Variants in CSMD1 observed in about 807,000 individuals in gnomAD.
The protein encoded by CSMD1 is CUB and sushi domain-containing protein 1.
A neutral mutation model predicts 417.5 loss-of-function variants in CSMD1; 213 were observed. That is an observed-to-expected ratio of 0.51 (90% CI 0.46 to 0.57). CSMD1 has a LOEUF of 0.57. CSMD1 is among the 20% of genes least tolerant of loss of function. CSMD1 has a pLI of 0.00. For missense variants in CSMD1, 6,923 were observed against 4,529.7 expected (o/e 1.53, Z -15.17); for synonymous variants, 2,862 against 1,736.8 (o/e 1.65, Z -16.11).
At chr8:4,164,517 C>G (rs1033719133) in intron 3 of CSMD1, among the ~76,000 whole-genome samples, 57 of 152,198 alleles carry the variant, frequency 3.7e-4, no homozygotes, top group Non-Finnish European at 7.1e-4. Context: ...CCAATGTCCC[C>G]AGGCGTAAAT....
At chr8:4,631,542 T>A (rs1802516290) in intron 2 of CSMD1, among the ~76,000 whole-genome samples, 1 of 152,162 alleles carries the variant, frequency 6.6e-6, no homozygotes, top group Non-Finnish European at 1.5e-5. Context: ...ACCCTTTCTT[T>A]AGCCCTCATA....
chr8:3,786,399 C>A (rs28490480), intron 5 of CSMD1, among the ~76,000 whole-genome samples: 1 of 151,816 alleles, frequency 6.6e-6, no homozygotes, highest in East Asian at 1.9e-4. Context: ...AGAAGAGGAT[C>A]GAACAAGAGT....
chr8:3,174,523 T>C (rs547246052), intron 37 of CSMD1, among the ~76,000 whole-genome samples: 136 of 152,240 alleles, frequency 8.9e-4, no homozygotes, highest in Non-Finnish European at 8.7e-4. Context: ...ACTATAAAAA[T>C]TGAGACATAA....
At chr8:4,309,770 A>C (rs150099383) in intron 3 of CSMD1, among the ~76,000 whole-genome samples, 151 of 152,316 alleles carry the variant, frequency 9.9e-4, no homozygotes, top group African/African-American at 3.5e-3. Context: ...GTTTTACTAG[A>C]TCAATGAAGC....
chr8:3,069,574 G>A (rs1479577747), intron 49 of CSMD1, among the ~76,000 whole-genome samples: 5 of 152,330 alleles, frequency 3.3e-5, no homozygotes, highest in African/African-American at 1.2e-4. Flanking sequence ...ACCACTACAA[G>A]GGGTGGTTTC....
chr8:4,496,873 C>T lies in CSMD1; in HGVS notation c.303-76808G>A, dbSNP rs539437168. Among the ~76,000 whole-genome samples, 5 of 152,264 alleles carry T rather than the reference C, an allele frequency of 3.3e-5. No individual in the cohort carries two copies. The South Asian group carries it at 1.0e-3, about 32-fold the overall frequency. On this transcript the variant is annotated intron_variant, in intron 2 of 69. Coordinates refer to ENST00000635120, the MANE Select transcript of CSMD1 (RefSeq NM_033225.6). ...GAAGGTTTACAATATCAGGACAGAT[C>T]TTTCCCAGGCTTTCCAGACCATTTA... is the stretch of plus-strand genomic sequence containing the variant.
intron 3 of CSMD1, among the ~76,000 whole-genome samples, chr8:4,176,667 G>A (rs905640934): frequency 6.6e-6 from 1 of 151,592 alleles, no homozygotes; most frequent in Non-Finnish European, 1.5e-5. Flanking sequence ...CCATCAGTGT[G>A]CTGTATTCAG....
chr8:3,013,036 C>A (rs552833505), intron 52 of CSMD1, among the ~76,000 whole-genome samples: 2 of 152,174 alleles, frequency 1.3e-5, no homozygotes, highest in Non-Finnish European at 2.9e-5. Flanking sequence ...TTACCTTCCA[C>A]CATGATTGTG....
chr8:3,069,437 A>C (rs1214608598), intron 49 of CSMD1, among the ~76,000 whole-genome samples: 1 of 151,802 alleles, frequency 6.6e-6, no homozygotes, highest in Non-Finnish European at 1.5e-5. Flanking sequence ...TCTGTCTGAA[A>C]AAAAAAAAAG....
intron 3 of CSMD1, among the ~76,000 whole-genome samples, chr8:4,040,118 A>C (rs1272597106): frequency 6.6e-6 from 1 of 152,210 alleles, no homozygotes; most frequent in Non-Finnish European, 1.5e-5. Flanking sequence ...CAATTTCAGA[A>C]ACAATATTTT....
intron 5 of CSMD1, among the ~76,000 whole-genome samples, chr8:3,768,260 G>A (rs181735996): frequency 3.9e-5 from 6 of 152,210 alleles, no homozygotes; most frequent in African/African-American, 1.4e-4. Context: ...CGTATTCCCG[G>A]GCCAAGTGAA....
chr8:4,621,104 T>C (rs946532238), intron 2 of CSMD1, among the ~76,000 whole-genome samples: 1 of 152,128 alleles, frequency 6.6e-6, no homozygotes, highest in African/African-American at 2.4e-5. Flanking sequence ...GTATTTCTTA[T>C]CTGAAATTCT....
rs557607753 is a variant in CSMD1 at position 4,788,596 on chromosome 8, G to A, written c.86-151038C>T. On this transcript the variant is annotated intron_variant, in intron 1 of 69. Transcript: ENST00000635120. The stretch of plus-strand genomic sequence containing the variant: ...GAGAATGTAATTTATAAGAAACAAT[G>A]CCATTGAAATTTTTAGGGGAAAAAC... The A allele has an allele frequency of 1.7e-5, 19 of 1,149,860 alleles. No homozygotes were observed. The East Asian group carries it at 4.1e-4, about 25-fold the overall frequency. 71.2% of individuals were successfully genotyped at this position (1,149,860 alleles called of 1,614,324 possible). A position where few individuals can be genotyped will look rare whatever the true frequency, so the allele number is the denominator to read the frequency against.
rs776581176 is a variant in CSMD1 at position 2,966,702 on chromosome 8, C to T, written c.8968G>A (p.Val2990Ile). The T allele has an allele frequency of 3.2e-5, 51 of 1,613,660 alleles. 1 individual carries two copies. Among genetic ancestry groups the T allele is most frequent in the Non-Finnish European group, 3.3e-5 (39 of 1,179,834 alleles). Reference protein sequence around the residue: ...NPGTPTNGMIVSSDGILFSSS... With the variant: ...NPGTPTNGMIISSDGILFSSS... ...GAGAACAGAATGCCATCACTACTGA[C>T]AATCATTCCGTTGGTGGGTGTGCCA... Residue 2990 changes from valine to isoleucine, a missense_variant, in exon 58 of 70, where the codon GTC becomes ATC. Val to Ile is a conservative substitution (Grantham distance 29). Coordinates refer to ENST00000635120, the MANE Select transcript of CSMD1 (RefSeq NM_033225.6).
intron 2 of CSMD1, among the ~76,000 whole-genome samples, chr8:4,470,744 C>A (rs1186473530): frequency 6.6e-6 from 1 of 152,240 alleles, no homozygotes; most frequent in African/African-American, 2.4e-5. Flanking sequence ...AGAAAAACAC[C>A]ATGAATGACT....
chr8:3,766,617 T>C (rs765757119), intron 5 of CSMD1, among the ~76,000 whole-genome samples: 19 of 152,090 alleles, frequency 1.2e-4, no homozygotes, highest in East Asian at 1.9e-4. Flanking sequence ...CAGAGATCTC[T>C]ATAATAAATT....
intron 3 of CSMD1, among the ~76,000 whole-genome samples, chr8:4,201,887 T>TG (rs5741962): frequency 0.2 from 24,610 of 122,786 alleles, 3,070 homozygotes; most frequent in East Asian, 0.26. Flanking sequence ...ATGGAAATTT[T>TG]GGGGGGGGGG....
At chr8:4,405,705 A>G (rs777977013) in intron 3 of CSMD1, among the ~76,000 whole-genome samples, 21 of 152,192 alleles carry the variant, frequency 1.4e-4, no homozygotes, top group Non-Finnish European at 2.4e-4. Context: ...GGATGTGTCT[A>G]TTGCTTCTTA....
chr8:3,580,957 A>T lies in CSMD1; in HGVS notation c.1222+5179T>A, dbSNP rs142284173. ...TTAGCTAACCTCATCTGAAATTCCA[A>T]CGCAATAATAACTTTATTCCCTGAC... On this transcript the variant is annotated intron_variant, in intron 9 of 69. Coordinates refer to ENST00000635120, the MANE Select transcript of CSMD1 (RefSeq NM_033225.6). Among the ~76,000 whole-genome samples the T allele has an allele frequency of 2.0e-5, 3 of 152,326 alleles. No individual in the cohort carries two copies. The East Asian group carries it at 5.8e-4, about 29-fold the overall frequency.
Sources: gnomAD v4.1 joint callset for allele counts (sites outside exome capture counted in the v4.1 genomes callset) on GRCh38, gnomAD v4.1.1 for gene constraint, MANE v1.5 for transcripts, NCBI Gene and HGNC (gene_info 2026-07-23, HGNC 2026-07-21) for gene names.